Variants in LYNX1 observed in about 807,000 individuals in gnomAD.
The protein encoded by LYNX1 is ly-6/neurotoxin-like protein 1.
LYNX1 carries 8 observed loss-of-function variants against 8.3 expected under a neutral mutation model. That is an observed-to-expected ratio of 0.97 (90% CI 0.57 to 1.74). LYNX1 has a LOEUF of 1.74. Among genes scored for constraint, LYNX1 ranks in the 40% most tolerant of loss-of-function variants. The probability of loss-of-function intolerance (pLI) is 0.00; values close to 1 mark genes in which losing one functional copy is unlikely to be tolerated. For missense variants in LYNX1, 158 were observed against 159.7 expected (o/e 0.99, Z 0.06); for synonymous variants, 73 against 67.9 (o/e 1.08, Z -0.37).
chr8:142,775,382 G>A lies in LYNX1; in HGVS notation c.155-19C>T. ...GTGTAGTCTGCAGAGGGGCGGGGCG[G>A]TGAGCCAGCTCCGCTAAGAGGGGCA... is the stretch of plus-strand genomic sequence containing the variant. On this transcript the variant is annotated intron_variant, in intron 3 of 3. Transcript: ENST00000652477. 6.2e-7 allele frequency: 1 copy of A among 1,610,246 alleles called. No individual in the cohort carries two copies. The highest frequency in any genetic ancestry group is 8.5e-7 in the Non-Finnish European group (1 of 1,178,094).
At position 142,773,547 on chromosome 8, in the gene LYNX1, A is replaced by G; in HGVS notation, c.*1620T>C. 1 of 985,598 alleles carries G rather than the reference A, an allele frequency of 1.0e-6. No individual in the cohort carries two copies. Among genetic ancestry groups the G allele is most frequent in the Non-Finnish European group, 1.2e-6 (1 of 830,100 alleles). 61.1% of individuals were successfully genotyped at this position (985,598 alleles called of 1,614,324 possible). ...GCGGGAACTGGGTGTGCCCTCAGCA[A>G]GACTCTGCCCCCTCCCATCCTCATG... is the stretch of plus-strand genomic sequence containing the variant. On this transcript the variant is annotated 3_prime_UTR_variant, in exon 4 of 4. Transcript: ENST00000652477.
chr8:142,773,430 C>A lies in LYNX1; in HGVS notation c.*1737G>T. ...TCCCAGCTCTGGGCCCAGTATGATG[C>A]CCATCTTCCCTCTGGGGAGTCACGT... is the stretch of plus-strand genomic sequence containing the variant. On this transcript the variant is annotated 3_prime_UTR_variant, in exon 4 of 4. Coordinates refer to ENST00000652477, the MANE Select transcript of LYNX1 (RefSeq NM_177477.4). The A allele has an allele frequency of 2.2e-5, 22 of 985,582 alleles. No homozygotes were observed. The highest frequency in any genetic ancestry group is 2.7e-5 in the Non-Finnish European group (22 of 830,074). 61.1% of individuals were successfully genotyped at this position (985,582 alleles called of 1,614,324 possible).
Position 142,774,918 on chromosome 8 carries a change from C to A in LYNX1, c.*249G>T. ...CTCCCCATAAATAGCCCTGGACAGG[C>A]GAGGGGCTGATCAGCCCATCAAAGC... On this transcript the variant is annotated 3_prime_UTR_variant, in exon 4 of 4. Transcript: ENST00000652477. 1 of 1,407,680 alleles carries A rather than the reference C, an allele frequency of 7.1e-7. No homozygotes were observed. Among genetic ancestry groups the A allele is most frequent in the Non-Finnish European group, 9.2e-7 (1 of 1,083,534 alleles). The allele number at this position is 1,407,680 out of a possible 1,614,324, so 87.2% of individuals were successfully genotyped here.
chr8:142,775,757 A>G, intron 2 of LYNX1, 63 bp from the exon 3 acceptor site: 1 of 1,537,766 alleles, frequency 6.5e-7, no homozygotes, highest in African/African-American at 1.4e-5. Context: ...CCCCTCCTCC[A>G]GCCCATCAGG....
In LYNX1 at chr8:142,772,684, A is replaced by G; in HGVS notation, c.*2483T>C. 1.0e-6 allele frequency: 1 copy of G among 985,626 alleles called. No homozygotes were observed. Among genetic ancestry groups the G allele is most frequent in the Non-Finnish European group, 1.2e-6 (1 of 830,070 alleles). The allele number at this position is 985,626 out of a possible 1,614,324, so 61.1% of individuals were successfully genotyped here. ...CCCACGTCCATCGCCACCTTGATGCATACAACCCGGACAAGTTTACTGCTG... is the reference window on the plus strand; with the variant it reads ...CCCACGTCCATCGCCACCTTGATGCGTACAACCCGGACAAGTTTACTGCTG... On this transcript the variant is annotated 3_prime_UTR_variant, in exon 4 of 4. Transcript: ENST00000652477.
At chr8:142,777,665 G>C (rs4355750), upstream of LYNX1, 3 of 395,444 alleles carry the variant, frequency 7.6e-6, no homozygotes, top group East Asian at 7.1e-5. Flanking sequence ...CCGGCTCGCC[G>C]GGCAAGCGCT....
In LYNX1 at chr8:142,772,422, T is replaced by G; in HGVS notation, c.*2745A>C. The stretch of plus-strand genomic sequence containing the variant: ...GGTTCCACTTTTCTCCTTTTAAGCT[T>G]TCCATTTTGTAAACTCACCTCCCCC... On this transcript the variant is annotated 3_prime_UTR_variant, in exon 4 of 4. Transcript: ENST00000652477. 1.0e-6 allele frequency: 1 copy of G among 985,496 alleles called. No homozygotes were observed. The highest frequency in any genetic ancestry group is 1.2e-6 in the Non-Finnish European group (1 of 829,978). The allele number at this position is 985,496 out of a possible 1,614,324, so 61.0% of individuals were successfully genotyped here. A position where few individuals can be genotyped will look rare whatever the true frequency, so the allele number is the denominator to read the frequency against.
rs894801077 is a variant in LYNX1 at position 142,772,255 on chromosome 8, G to A, written c.*2912C>T. On this transcript the variant is annotated 3_prime_UTR_variant, in exon 4 of 4. Coordinates refer to ENST00000652477, the MANE Select transcript of LYNX1 (RefSeq NM_177477.4). ...ATCTACCCCCATGAAGGGGACCCTC[G>A]GTTCTGCGAGAGAGATCCCCGAAGT... 19 of 985,808 alleles carry A rather than the reference G, an allele frequency of 1.9e-5. No individual in the cohort carries two copies. Among genetic ancestry groups the A allele is most frequent in the African/African-American group, 7.0e-5 (4 of 57,232 alleles). The allele number at this position is 985,808 out of a possible 1,614,324, so 61.1% of individuals were successfully genotyped here.
chr8:142,774,122 T>G lies in LYNX1; in HGVS notation c.*1045A>C. On this transcript the variant is annotated 3_prime_UTR_variant, in exon 4 of 4. Transcript: ENST00000652477. ...GACCCACTCACTGTGCGCATCCCGC[T>G]GCGGGGGAGGGGCTGGGTCTCCGCC... 1 of 985,076 alleles carries G rather than the reference T, an allele frequency of 1.0e-6. No homozygotes were observed. Among genetic ancestry groups the G allele is most frequent in the Non-Finnish European group, 1.2e-6 (1 of 829,802 alleles). 61.0% of individuals were successfully genotyped at this position (985,076 alleles called of 1,614,324 possible).
chr8:142,776,330 A>C (rs1587617670), intron 1 of LYNX1: 2 of 320,374 alleles, frequency 6.2e-6, no homozygotes, highest in Non-Finnish European at 6.2e-6. Flanking sequence ...AAAGCTCAAA[A>C]CAGCCTGTAG....
chr8:142,775,807 G>A, intron 2 of LYNX1, 99 bp downstream of exon 2: 2 of 1,564,862 alleles, frequency 1.3e-6, no homozygotes, highest in Admixed American at 3.5e-5. Context: ...GGGGCTAGAA[G>A]GAGGGGTTGT....
rs1019529402 is a variant in LYNX1 at position 142,774,090 on chromosome 8, A to T, written c.*1077T>A. On this transcript the variant is annotated 3_prime_UTR_variant, in exon 4 of 4. Coordinates refer to ENST00000652477, the MANE Select transcript of LYNX1 (RefSeq NM_177477.4). ...TGGGTGCATCCCCAGGTGGAAGGTG[A>T]TGGAGGGACCCACTCACTGTGCGCA... 8.1e-6 allele frequency: 8 copies of T among 985,094 alleles called. No homozygotes were observed. The African/African-American group carries it at 1.4e-4, about 17-fold the overall frequency. 61.0% of individuals were successfully genotyped at this position (985,094 alleles called of 1,614,324 possible).
In LYNX1 at chr8:142,776,023, AGG is replaced by A. The variant is rs3214637; in HGVS notation, c.-68_-67del. On this transcript the variant is annotated 5_prime_UTR_variant, in exon 2 of 4. Transcript: ENST00000652477. The stretch of plus-strand genomic sequence containing the variant: ...CAGCAGCTAGCCCTGGATCCAACTC[AGG>A]GGTGGCGCACAGAGGATCCAACTCA... 0.068 allele frequency: 107,650 copies of A among 1,582,058 alleles called. 4,557 individuals carry two copies. The highest frequency in any genetic ancestry group is 0.23 in the East Asian group (10,217 of 44,428).
At chr8:142,775,793 G>T (rs139963979) in intron 2 of LYNX1, 99 bp from the exon 3 acceptor site, 2 of 1,541,918 alleles carry the variant, frequency 1.3e-6, no homozygotes, top group Non-Finnish European at 1.8e-6. Flanking sequence ...CTTCCCCGGG[G>T]CAGGGGGCTA....
rs769055877 is a variant in LYNX1, at chr8:142,775,978, C to T, written c.-21G>A. The T allele has an allele frequency of 3.5e-5, 56 of 1,613,386 alleles. No homozygotes were observed. The highest frequency in any genetic ancestry group is 2.5e-4 in the Admixed American group (15 of 59,974). ...GTCATGGCTGCAGGCAGGAGGGCAGCGTGGGAGTGGGGAGGTCAACAGCAG... is the reference window on the plus strand; with the variant it reads ...GTCATGGCTGCAGGCAGGAGGGCAGTGTGGGAGTGGGGAGGTCAACAGCAG... On this transcript the variant is annotated 5_prime_UTR_variant, in exon 2 of 4. Transcript: ENST00000652477.
In LYNX1 at chr8:142,773,525, G is replaced by A. The variant is rs1211331142; in HGVS notation, c.*1642C>T. 1.0e-6 allele frequency: 1 copy of A among 985,382 alleles called. No individual in the cohort carries two copies. The highest frequency in any genetic ancestry group is 1.7e-5 in the African/African-American group (1 of 57,230). The allele number at this position is 985,382 out of a possible 1,614,324, so 61.0% of individuals were successfully genotyped here. ...AGACTGGCACTGTCCTCCTCCAGCG[G>A]GAACTGGGTGTGCCCTCAGCAAGAC... is the stretch of plus-strand genomic sequence containing the variant. On this transcript the variant is annotated 3_prime_UTR_variant, in exon 4 of 4. Coordinates refer to ENST00000652477, the MANE Select transcript of LYNX1 (RefSeq NM_177477.4).
chr8:142,773,040 C>T lies in LYNX1; in HGVS notation c.*2127G>A, dbSNP rs141082377. On this transcript the variant is annotated 3_prime_UTR_variant, in exon 4 of 4. Transcript: ENST00000652477. ...CCCATCACCCCACTGAGACTCGAGA[C>T]AGGGAGGACCTGATCCTGGAGTCCC... is the stretch of plus-strand genomic sequence containing the variant. 3.0e-4 allele frequency: 300 copies of T among 985,512 alleles called. 2 individuals carry two copies. The East Asian group carries it at 0.025, about 82-fold the overall frequency. 61.0% of individuals were successfully genotyped at this position (985,512 alleles called of 1,614,324 possible).
Position 142,775,613 on chromosome 8 carries a change from T to TA in LYNX1, c.133dup (p.Tyr45LeufsTer18). ...CTCACAGGTGCGCGTGGTCATGCAGTAGGCAACCATAGCCGGGCAGCGCAT... is the reference window on the plus strand; with the variant it reads ...CTCACAGGTGCGCGTGGTCATGCAGTAAGGCAACCATAGCCGGGCAGCGCAT... On this transcript the variant is annotated frameshift_variant, in exon 3 of 4. Transcript: ENST00000652477. LOFTEE classifies it high-confidence loss of function. 6.3e-7 allele frequency: 1 copy of TA among 1,598,276 alleles called. No homozygotes were observed.
chr8:142,771,400 T>C lies in LYNX1; in HGVS notation c.*3767A>G. 1 of 985,426 alleles carries C rather than the reference T, an allele frequency of 1.0e-6. No individual in the cohort carries two copies. Among genetic ancestry groups the C allele is most frequent in the Middle Eastern group, 5.2e-4 (1 of 1,916 alleles). The allele number at this position is 985,426 out of a possible 1,614,324, so 61.0% of individuals were successfully genotyped here. On this transcript the variant is annotated 3_prime_UTR_variant, in exon 4 of 4. Transcript: ENST00000652477. Reference sequence around the variant, plus strand: ...CAGCTGAGCCAGACCAGCATTCCCATTTCACCACCCCTTACTCCTCAAGAT... The same window carrying C: ...CAGCTGAGCCAGACCAGCATTCCCACTTCACCACCCCTTACTCCTCAAGAT...
Sources: allele counts gnomAD v4.1 joint callset, GRCh38; gene constraint gnomAD v4.1.1; transcripts MANE v1.5; gene names NCBI Gene and HGNC (gene_info 2026-07-23, HGNC 2026-07-21).